DPY19L4: variants seen among roughly 807,000 people sequenced by gnomAD.
DPY19L4 encodes dpy-19 like 4.
In DPY19L4, 97 loss-of-function variants were observed where a neutral mutation model predicts 102.8. The observed-to-expected ratio is 0.94, with a 90% CI of 0.80 to 1.12. The LOEUF (loss-of-function observed/expected upper bound fraction) is 1.12, where lower values mean the gene tolerates loss of function less well. Among genes scored for constraint, DPY19L4 ranks in the 50% most tolerant of loss-of-function variants. The pLI, the probability that DPY19L4 is intolerant of heterozygous loss-of-function variation, is 0.00. For missense variants in DPY19L4, 815 were observed against 850.4 expected (o/e 0.96, Z 0.52); for synonymous variants, 252 against 283.1 (o/e 0.89, Z 1.10).
At chr8:94,770,951 GTC>G (rs1812905173) in intron 13 of DPY19L4, among the ~76,000 whole-genome samples, 1 of 145,160 alleles carries the variant, frequency 6.9e-6, no homozygotes. Flanking sequence ...ATCTCGCTCT[GTC>G]ACCCAGGCTG....
At chr8:94,763,921 G>A (rs528906791) in intron 8 of DPY19L4, among the ~76,000 whole-genome samples, 5 of 152,132 alleles carry the variant, frequency 3.3e-5, no homozygotes, top group African/African-American at 1.2e-4. Flanking sequence ...CCATCCTCCC[G>A]CCTCTGCCTC....
chr8:94,730,836 C>G (rs942990802), intron 2 of DPY19L4, among the ~76,000 whole-genome samples: 7 of 147,378 alleles, frequency 4.7e-5, no homozygotes, highest in Non-Finnish European at 9.0e-5. Flanking sequence ...ACCTCCGCCC[C>G]CCAAGTTCAA....
intron 17 of DPY19L4, 65 bp downstream of exon 17, chr8:94,783,867 C>T (rs1383531811): frequency 4.5e-6 from 7 of 1,568,716 alleles, no homozygotes; most frequent in South Asian, 1.2e-5. Flanking sequence ...GCATAGTCTG[C>T]AGTATACATA....
At chr8:94,776,825 C>T (rs920781012) in intron 13 of DPY19L4, among the ~76,000 whole-genome samples, 1 of 151,614 alleles carries the variant, frequency 6.6e-6, no homozygotes, top group East Asian at 2.0e-4. Context: ...ATTAGCTGGG[C>T]GTGGTGGCAT....
At chr8:94,730,836 C>A (rs942990802) in intron 2 of DPY19L4, among the ~76,000 whole-genome samples, 2 of 147,378 alleles carry the variant, frequency 1.4e-5, no homozygotes, top group Non-Finnish European at 3.0e-5. Flanking sequence ...ACCTCCGCCC[C>A]CCAAGTTCAA....
chr8:94,744,456 T>C (rs969157601), intron 6 of DPY19L4: 3 of 456,614 alleles, frequency 6.6e-6, no homozygotes, highest in South Asian at 3.1e-5. Context: ...TTAGAAATGA[T>C]ATAACATCAC....
At position 94,732,930 on chromosome 8, in the gene DPY19L4, C is replaced by A. The variant is rs191079704; in HGVS notation, c.128-1700C>A. Among the ~76,000 whole-genome samples, 303 of 151,034 alleles carry A rather than the reference C, an allele frequency of 2.0e-3. 1 individual carries two copies. The highest frequency in any genetic ancestry group is 3.8e-3 in the Non-Finnish European group (255 of 67,794). On this transcript the variant is annotated intron_variant, in intron 2 of 18. Transcript: ENST00000414645. Reference sequence around the variant, plus strand: ...GGCTAAAGCGATTATCCTGCTTCAGCCTCCCAAGTAGCTGGGATTACAGGC... The same window carrying A: ...GGCTAAAGCGATTATCCTGCTTCAGACTCCCAAGTAGCTGGGATTACAGGC...
intron 16 of DPY19L4, among the ~76,000 whole-genome samples, chr8:94,782,802 T>C (rs140680420): frequency 0.016 from 2,457 of 152,354 alleles, 62 homozygotes; most frequent in African/African-American, 0.055. Context: ...TAATACTTTT[T>C]GTAAATTCTG....
intron 6 of DPY19L4, among the ~76,000 whole-genome samples, chr8:94,752,812 T>C (rs572875597): frequency 6.6e-6 from 1 of 150,414 alleles, no homozygotes; most frequent in Non-Finnish European, 1.5e-5. Context: ...CTACAGGCGG[T>C]CGCCACCATG....
chr8:94,755,351 G>A (rs1812112918), intron 6 of DPY19L4, among the ~76,000 whole-genome samples: 1 of 149,610 alleles, frequency 6.7e-6, no homozygotes, highest in South Asian at 2.2e-4. Flanking sequence ...ATGCGGTGCA[G>A]ATTGTACACT....
rs760183756 is a variant in DPY19L4 at position 94,766,601 on chromosome 8, T to C, written c.1102-11T>C. 96 of 1,611,922 alleles carry C rather than the reference T, an allele frequency of 6.0e-5. No individual in the cohort carries two copies. The highest frequency in any genetic ancestry group is 1.9e-5 in the Non-Finnish European group (22 of 1,179,274). ...ATATTTCTTTGTTTAACTGGTGTTT[T>C]TCTCTTCTAGATGTTTGTCCCACAC... is the stretch of plus-strand genomic sequence containing the variant. On this transcript the variant is annotated splice_polypyrimidine_tract_variant and intron_variant, in intron 10 of 18. Coordinates refer to ENST00000414645, the MANE Select transcript of DPY19L4 (RefSeq NM_181787.3).
chr8:94,722,792 G>C (rs566809834), intron 1 of DPY19L4, among the ~76,000 whole-genome samples: 7 of 152,144 alleles, frequency 4.6e-5, no homozygotes, highest in Non-Finnish European at 8.8e-5. Flanking sequence ...TATTTTACTT[G>C]TATCCAGGTG....
At chr8:94,773,691 A>G (rs1813034752) in intron 13 of DPY19L4, among the ~76,000 whole-genome samples, 1 of 151,878 alleles carries the variant, frequency 6.6e-6, no homozygotes, top group African/African-American at 2.4e-5. Context: ...CAGCCTCCCA[A>G]AGTGCTAGGA....
At chr8:94,750,145 G>A (rs1016495959) in intron 6 of DPY19L4, among the ~76,000 whole-genome samples, 7 of 152,084 alleles carry the variant, frequency 4.6e-5, no homozygotes, top group Admixed American at 1.3e-4. Context: ...TAGTAGAGAT[G>A]GGGTTTCATC....
chr8:94,769,539 A>C (rs1283225315), intron 12 of DPY19L4, among the ~76,000 whole-genome samples: 1 of 152,152 alleles, frequency 6.6e-6, no homozygotes, highest in African/African-American at 2.4e-5. Context: ...TGAAGTTAGC[A>C]GTATAAGTAA....
chr8:94,782,029 T>G (rs941440471), intron 16 of DPY19L4, among the ~76,000 whole-genome samples: 8 of 152,188 alleles, frequency 5.3e-5, no homozygotes, highest in African/African-American at 1.7e-4. Flanking sequence ...CTCAATGCAG[T>G]GTGCGATAAA....
chr8:94,777,130 G>A (rs569171451), intron 13 of DPY19L4, among the ~76,000 whole-genome samples: 2 of 151,894 alleles, frequency 1.3e-5, no homozygotes, highest in South Asian at 2.1e-4. Context: ...ACAGTGGTGC[G>A]ATCTCAGCTC....
rs559678986 is a variant in DPY19L4, at chr8:94,754,247, A to G, written c.612-1789A>G. On this transcript the variant is annotated intron_variant, in intron 6 of 18. Coordinates refer to ENST00000414645, the MANE Select transcript of DPY19L4 (RefSeq NM_181787.3). ...GTAAAAATGATTTTTAAGATTTATT[A>G]TGTATGCTGCTGTTATATAAGGAGA... Among the ~76,000 whole-genome samples the G allele has an allele frequency of 5.9e-5, 9 of 152,282 alleles. 1 individual carries two copies. The South Asian group carries it at 6.2e-4, about 11-fold the overall frequency.
At chr8:94,739,618 T>A (rs1811348017) in intron 5 of DPY19L4, 27 bp from the exon 6 acceptor site, 2 of 1,611,774 alleles carry the variant, frequency 1.2e-6, no homozygotes, top group Non-Finnish European at 1.7e-6. Flanking sequence ...CCTATTGTCT[T>A]GTTCTCTTTC....
Sources: allele counts gnomAD v4.1 joint callset (sites outside exome capture counted in the v4.1 genomes callset), GRCh38; gene constraint gnomAD v4.1.1; transcripts MANE v1.5; gene names NCBI Gene and HGNC (gene_info 2026-07-23, HGNC 2026-07-21).